THAP3: variants seen among roughly 807,000 people sequenced by gnomAD.
THAP3 encodes the protein THAP domain-containing protein 3.
A neutral mutation model predicts 17.7 loss-of-function variants in THAP3; 12 were observed. That is an observed-to-expected ratio of 0.68 (90% CI 0.43 to 1.10). THAP3 has a LOEUF of 1.10. THAP3 is among the 50% of genes least tolerant of loss of function. The pLI is 0.00. For missense variants in THAP3, 289 were observed against 318.0 expected (o/e 0.91, Z 0.69); for synonymous variants, 133 against 126.9 (o/e 1.05, Z -0.32).
chr1:6,628,017 C>A (rs192966303), intron 2 of THAP3: 8 of 159,304 alleles, frequency 5.0e-5, no homozygotes, highest in Admixed American at 4.8e-4. Context: ...TGTGCTGCCA[C>A]TTCCTGCGGT....
chr1:6,631,288 A>G (rs1641607173), intron 4 of THAP3, among the ~76,000 whole-genome samples: 1 of 151,602 alleles, frequency 6.6e-6, no homozygotes, highest in Non-Finnish European at 1.5e-5. Context: ...AAGTGCTGGA[A>G]TTATAGGCGG....
intron 4 of THAP3, among the ~76,000 whole-genome samples, chr1:6,630,900 C>T (rs575720706): frequency 4.9e-4 from 74 of 149,796 alleles, no homozygotes; most frequent in African/African-American, 1.5e-3. Flanking sequence ...GTAGAGATAG[C>T]ATCTTGCTAT....
chr1:6,627,530 A>G (rs1296318862), intron 2 of THAP3, among the ~76,000 whole-genome samples: 2 of 152,022 alleles, frequency 1.3e-5, no homozygotes, highest in African/African-American at 4.8e-5. Flanking sequence ...ACGCTGGGCT[A>G]ATTTTTGCAT....
At chr1:6,625,325 C>G in intron 2 of THAP3, 33 bp downstream of exon 2, 1 of 1,512,900 alleles carries the variant, frequency 6.6e-7, no homozygotes, top group South Asian at 1.2e-5. Context: ...CGCGGGAGGC[C>G]CAGACCCGGG....
Position 6,633,192 on chromosome 1 carries a change from C to G in THAP3, c.*115C>G, listed in dbSNP as rs1030151941. On this transcript the variant is annotated 3_prime_UTR_variant, in exon 6 of 6. Coordinates refer to ENST00000054650, the MANE Select transcript of THAP3 (RefSeq NM_001195753.2). ...GACACTGAGAAAGTTGGCCATGAGG[C>G]CTGCTTGGCCGGGGATCGAGACAGT... 6.8e-7 allele frequency: 1 copy of G among 1,465,958 alleles called. No homozygotes were observed. Among genetic ancestry groups the G allele is most frequent in the Non-Finnish European group, 9.0e-7 (1 of 1,113,308 alleles). 90.8% of individuals were successfully genotyped at this position (1,465,958 alleles called of 1,614,324 possible).
At chr1:6,628,152 GC>G in intron 2 of THAP3, 1 of 245,774 alleles carries the variant, frequency 4.1e-6, no homozygotes, top group Non-Finnish European at 8.0e-6. Flanking sequence ...TCATCACTGT[GC>G]CCCCGCTCCA....
downstream of THAP3, chr1:6,635,317 T>C: frequency 4.6e-6 from 1 of 219,592 alleles, no homozygotes. Context: ...GGCAGGGTGC[T>C]CCACAGACAC....
chr1:6,630,344 G>A lies in THAP3; in HGVS notation c.324G>A (p.Gln108=). 6.2e-7 allele frequency: 1 copy of A among 1,614,124 alleles called. No individual in the cohort carries two copies. Among genetic ancestry groups the A allele is most frequent in the Non-Finnish European group, 8.5e-7 (1 of 1,179,996 alleles). The change falls in exon 4 of 6, where the codon CAG becomes CAA. Residue 108 remains glutamine, a synonymous_variant. Transcript: ENST00000054650. ...ASERGNASSS[Q]KEKVLPEAGA... is the part of the protein sequence containing the mutation. ...AGAGAGGAAATGCCAGCTCTTCTCAGAAAGAAAAGGTGAGTGCACCGGGCC... is the reference window on the plus strand; with the variant it reads ...AGAGAGGAAATGCCAGCTCTTCTCAAAAAGAAAAGGTGAGTGCACCGGGCC...
chr1:6,626,679 C>T (rs1641477555), intron 2 of THAP3, among the ~76,000 whole-genome samples: 1 of 152,140 alleles, frequency 6.6e-6, no homozygotes. Flanking sequence ...CTCTACTTCT[C>T]TACTACAAAT....
intron 4 of THAP3, among the ~76,000 whole-genome samples, chr1:6,631,564 T>A (rs1641615256): frequency 6.6e-6 from 1 of 151,788 alleles, no homozygotes; most frequent in Non-Finnish European, 1.5e-5. Context: ...AGGTTAGGAG[T>A]TCGAAACCAG....
downstream of THAP3, chr1:6,634,429 A>C (rs1641714110): frequency 7.9e-7 from 1 of 1,258,862 alleles, no homozygotes; most frequent in African/African-American, 1.5e-5. Context: ...CTTAGCCGTT[A>C]CTCAGATACC....
chr1:6,635,213 G>A, downstream of THAP3: 2 of 173,190 alleles, frequency 1.2e-5, no homozygotes, highest in South Asian at 2.8e-4. Flanking sequence ...AGCCAGCACA[G>A]CAGAGGCTCC....
downstream of THAP3, chr1:6,634,036 T>C (rs1641702999): frequency 1.2e-6 from 2 of 1,613,582 alleles, no homozygotes; most frequent in Admixed American, 3.3e-5. Flanking sequence ...TTGTTTAATG[T>C]AGAAAATGGA....
At chr1:6,630,095 C>A (rs752450713) in intron 3 of THAP3, among the ~76,000 whole-genome samples, 193 bp from the exon 4 acceptor site, 1 of 152,260 alleles carries the variant, frequency 6.6e-6, no homozygotes, top group Non-Finnish European at 1.5e-5. Flanking sequence ...TTGAGGACAT[C>A]TTTGGAGAAA....
At position 6,628,645 on chromosome 1, in the gene THAP3, A is replaced by G; in HGVS notation, c.221A>G (p.Lys74Arg). 1 of 1,613,784 alleles carries G rather than the reference A, an allele frequency of 6.2e-7. No homozygotes were observed. Among genetic ancestry groups the G allele is most frequent in the Non-Finnish European group, 8.5e-7 (1 of 1,180,026 alleles). Residue 74 changes from lysine (K) to arginine (R), a missense_variant, in exon 3 of 6, where the codon AAG (lysine) becomes AGG (arginine). Transcript: ENST00000054650. ...GCCTTTGGAAACCGCAAGAACCTAAAGCACAATGCCGTGCCCACGGTGTTC... is the reference window on the plus strand; with the variant it reads ...GCCTTTGGAAACCGCAAGAACCTAAGGCACAATGCCGTGCCCACGGTGTTC... ...FSAFGNRKNL[K>R]HNAVPTVFAF...
chr1:6,630,695 C>G (rs1214583762), intron 4 of THAP3, among the ~76,000 whole-genome samples: 1 of 152,156 alleles, frequency 6.6e-6, no homozygotes, highest in Admixed American at 6.5e-5. Context: ...CTCAGCCTCC[C>G]GAGTAGCTGG....
Position 6,633,316 on chromosome 1 carries a change from C to G in THAP3, c.*239C>G, listed in dbSNP as rs1641680568. On this transcript the variant is annotated 3_prime_UTR_variant, in exon 6 of 6. Transcript: ENST00000054650. ...TGTGAGCATGACAAGCTTATCCTCC[C>G]ATGGTAACAGAAGTCCAGGCTGAGG... 5.7e-6 allele frequency: 8 copies of G among 1,399,160 alleles called. No homozygotes were observed. The South Asian group carries it at 1.3e-4, about 22-fold the overall frequency. 86.7% of individuals were successfully genotyped at this position (1,399,160 alleles called of 1,614,324 possible). A position where few individuals can be genotyped will look rare whatever the true frequency, so the allele number is the denominator to read the frequency against.
chr1:6,635,028 T>A, downstream of THAP3: 1 of 354,300 alleles, frequency 2.8e-6, no homozygotes, highest in Non-Finnish European at 4.7e-6. Flanking sequence ...GGAGTTACAC[T>A]ACCCTGTCCC....
chr1:6,625,229 C>T lies in THAP3; in HGVS notation c.11C>T (p.Ser4Leu), dbSNP rs547107923. 2.6e-6 allele frequency: 4 copies of T among 1,543,342 alleles called. No individual in the cohort carries two copies. Among genetic ancestry groups the T allele is most frequent in the Non-Finnish European group, 3.5e-6 (4 of 1,146,090 alleles). ...CAGGCCTGGCTCGAGATGCCGAAGT[C>T]GTGCGCGGCCCGGCAGTGCTGCAAC... MPK[S>L]CAARQCCNRY... Residue 4 changes from serine to leucine, a missense_variant, in exon 2 of 6, where the codon TCG becomes TTG. Physicochemically the swap from Ser to Leu is moderately radical, Grantham distance 145. Coordinates refer to ENST00000054650, the MANE Select transcript of THAP3 (RefSeq NM_001195753.2).
Sources: gnomAD v4.1 joint callset for allele counts (sites outside exome capture counted in the v4.1 genomes callset) on GRCh38, gnomAD v4.1.1 for gene constraint, MANE v1.5 for transcripts, NCBI Gene and HGNC (gene_info 2026-07-23, HGNC 2026-07-21) for gene names.